Variants in CDA observed in about 807,000 individuals in gnomAD.
The protein encoded by CDA is cytidine deaminase, also known as cytidine aminohydrolase.
Under a neutral mutation model 15.0 loss-of-function variants are expected in CDA, and 7 were observed. The observed-to-expected ratio is 0.47, with a 90% CI of 0.26 to 0.87. The LOEUF (loss-of-function observed/expected upper bound fraction) is 0.87, where lower values mean the gene tolerates loss of function less well. Among genes scored for constraint, CDA ranks in the 40% least tolerant of loss-of-function variants. The pLI, the probability that CDA is intolerant of heterozygous loss-of-function variation, is 0.15. For synonymous variants in CDA, 58 were observed against 73.0 expected (o/e 0.79, Z 1.05); for missense variants, 159 against 182.7 (o/e 0.87, Z 0.75).
At chr1:20,614,013 G>A (rs542806239) in intron 3 of CDA, 114 bp downstream of exon 3, 8 of 926,062 alleles carry the variant, frequency 8.6e-6, no homozygotes, top group Admixed American at 7.7e-5. Flanking sequence ...CACAGCTACT[G>A]TCCTGTTTGC....
At chr1:20,616,005 T>C (rs1268706189) in intron 3 of CDA, among the ~76,000 whole-genome samples, 2 of 152,018 alleles carry the variant, frequency 1.3e-5, no homozygotes, top group Non-Finnish European at 2.9e-5. Context: ...GTCTCAAAAA[T>C]AAATACATAC....
At chr1:20,595,621 C>A (rs2052585626) in intron 1 of CDA, among the ~76,000 whole-genome samples, 1 of 152,168 alleles carries the variant, frequency 6.6e-6, no homozygotes, top group African/African-American at 2.4e-5. Context: ...CACTGTCACT[C>A]AAAAGTGGCT....
chr1:20,609,422 C>T (rs1207860657), intron 2 of CDA, among the ~76,000 whole-genome samples: 1 of 152,078 alleles, frequency 6.6e-6, no homozygotes, highest in Non-Finnish European at 1.5e-5. Flanking sequence ...GGAGGCAGAG[C>T]TTGCAGTGAG....
chr1:20,599,749 T>A (rs966733718), intron 1 of CDA, among the ~76,000 whole-genome samples: 12 of 152,164 alleles, frequency 7.9e-5, no homozygotes, highest in Non-Finnish European at 1.8e-4. Context: ...GAGGGTCACA[T>A]AGCCCTACTG....
At chr1:20,617,442 CAT>C (rs1206977315) in intron 3 of CDA, among the ~76,000 whole-genome samples, 2 of 152,164 alleles carry the variant, frequency 1.3e-5, no homozygotes, top group Non-Finnish European at 2.9e-5. Context: ...ATAATTCCCA[CAT>C]GTCATGGGAG....
intron 1 of CDA, among the ~76,000 whole-genome samples, chr1:20,603,794 T>A (rs2052668925): frequency 6.6e-6 from 1 of 152,208 alleles, no homozygotes; most frequent in African/African-American, 2.4e-5. Context: ...GCTCCCATAG[T>A]GATTTGTTCG....
intron 1 of CDA, among the ~76,000 whole-genome samples, chr1:20,603,309 T>A (rs2052663821): frequency 6.6e-6 from 1 of 152,186 alleles, no homozygotes; most frequent in Non-Finnish European, 1.5e-5. Flanking sequence ...TCTTTTTCTC[T>A]CACACAACAA....
chr1:20,611,269 T>C (rs1049488629), intron 2 of CDA, among the ~76,000 whole-genome samples: 3 of 152,166 alleles, frequency 2.0e-5, no homozygotes, highest in Non-Finnish European at 4.4e-5. Flanking sequence ...AATCCTATGT[T>C]CTTCCAGAGA....
intron 1 of CDA, 94 bp from the exon 2 acceptor site, chr1:20,604,834 C>T (rs1047558797): frequency 1.7e-5 from 14 of 840,936 alleles, no homozygotes; most frequent in Admixed American, 8.0e-5. Context: ...TAACCAGTTC[C>T]TTCCTGCTTT....
At chr1:20,613,247 A>T (rs1050244564) in intron 2 of CDA, among the ~76,000 whole-genome samples, 2 of 150,204 alleles carry the variant, frequency 1.3e-5, no homozygotes, top group African/African-American at 4.9e-5. Context: ...CTTGTTGCCC[A>T]GGCTGGGGTG....
intron 3 of CDA, among the ~76,000 whole-genome samples, chr1:20,617,868 G>C (rs1432701137): frequency 6.6e-6 from 1 of 151,742 alleles, no homozygotes; most frequent in Non-Finnish European, 1.5e-5. Flanking sequence ...GCTAATTTTT[G>C]TATTTTTAGG....
Position 20,605,057 on chromosome 1 carries a change from G to T in CDA, c.266+18G>T. 9 of 1,439,898 alleles carry T rather than the reference G, an allele frequency of 6.3e-6. No individual in the cohort carries two copies. Among genetic ancestry groups the T allele is most frequent in the Non-Finnish European group, 8.8e-6 (9 of 1,022,334 alleles). 89.2% of individuals were successfully genotyped at this position (1,439,898 alleles called of 1,614,324 possible). On this transcript the variant is annotated intron_variant, in intron 2 of 3. Transcript: ENST00000375071. ...ATCGCCAGGTGAGTGGGAAAGCCAG[G>T]TTGCAACAATATTCATTCATCTCTT...
chr1:20,615,169 C>T (rs12744559), intron 3 of CDA, among the ~76,000 whole-genome samples: 33,924 of 151,888 alleles, frequency 0.22, 4,106 homozygotes, highest in African/African-American at 0.31. Context: ...CTGGAGTGTA[C>T]ACTTAAACAT....
intron 2 of CDA, among the ~76,000 whole-genome samples, chr1:20,608,567 G>A (rs10916828): frequency 0.2 from 29,954 of 151,928 alleles, 3,007 homozygotes; most frequent in Middle Eastern, 0.26. Context: ...CGGCCAGCAC[G>A]CCTGGCTAAT....
intron 3 of CDA, among the ~76,000 whole-genome samples, chr1:20,615,553 C>T (rs1392210421): frequency 6.6e-6 from 1 of 151,220 alleles, no homozygotes; most frequent in Non-Finnish European, 1.5e-5. Flanking sequence ...AATCCAGGCT[C>T]AGGGGAAGGT....
intron 1 of CDA, among the ~76,000 whole-genome samples, chr1:20,603,629 G>A (rs773191782): frequency 7.1e-4 from 108 of 152,316 alleles, no homozygotes; most frequent in Admixed American, 7.8e-4. Flanking sequence ...CTAGCTGAGC[G>A]GCCATGCTGG....
intron 2 of CDA, among the ~76,000 whole-genome samples, chr1:20,607,206 G>A (rs2052701761): frequency 6.6e-6 from 1 of 152,222 alleles, no homozygotes; most frequent in African/African-American, 2.4e-5. Flanking sequence ...AGTGGGGACT[G>A]CACAGAAGCA....
At chr1:20,595,602 A>T (rs1285330200) in intron 1 of CDA, among the ~76,000 whole-genome samples, 1 of 152,216 alleles carries the variant, frequency 6.6e-6, no homozygotes, top group Non-Finnish European at 1.5e-5. Context: ...AACTTCAGTT[A>T]GTCCTCTCCA....
intron 2 of CDA, among the ~76,000 whole-genome samples, chr1:20,611,318 G>A (rs759593712): frequency 6.6e-4 from 100 of 152,230 alleles, no homozygotes; most frequent in Non-Finnish European, 1.3e-4. Flanking sequence ...AAGAAGGATG[G>A]TGGCTGCTGG....
Sources: gnomAD v4.1 joint callset for allele counts (sites outside exome capture counted in the v4.1 genomes callset) on GRCh38, gnomAD v4.1.1 for gene constraint, MANE v1.5 for transcripts, NCBI Gene and HGNC (gene_info 2026-07-23, HGNC 2026-07-21) for gene names.